The following QDPR variants were observed in gnomAD, a reference collection of about 807,000 sequenced individuals.
The protein encoded by QDPR is quinoid dihydropteridine reductase.
Under a neutral mutation model 31.7 loss-of-function variants are expected in QDPR, and 23 were observed. That is an observed-to-expected ratio of 0.73 (90% CI 0.52 to 1.03). QDPR has a LOEUF of 1.03. Among genes scored for constraint, QDPR ranks in the 50% least tolerant of loss-of-function variants. The pLI, the probability that QDPR is intolerant of heterozygous loss-of-function variation, is 0.00. For missense variants in QDPR, 324 were observed against 323.8 expected (o/e 1.00, Z 0.00); for synonymous variants, 124 against 124.7 (o/e 0.99, Z 0.03).
At chr4:17,490,780 C>T (rs763826278) in intron 5 of QDPR, 35 bp from the exon 6 acceptor site, 106 of 1,565,020 alleles carry the variant, frequency 6.8e-5, no homozygotes, top group Non-Finnish European at 8.5e-5. Context: ...TCATTCATGT[C>T]GCTCCTTTCT....
chr4:17,496,147 A>T (rs539285611), intron 4 of QDPR, among the ~76,000 whole-genome samples: 1 of 152,204 alleles, frequency 6.6e-6, no homozygotes, highest in Admixed American at 6.5e-5. Context: ...AACTGTGGGA[A>T]TGAAAAAACA....
rs1165941175 is a variant in QDPR at position 17,512,058 on chromosome 4, G to A, written c.-4C>T. 6.3e-7 allele frequency: 1 copy of A among 1,593,002 alleles called. No individual in the cohort carries two copies. The highest frequency in any genetic ancestry group is 8.5e-7 in the Non-Finnish European group (1 of 1,171,728). On this transcript the variant is annotated 5_prime_UTR_variant, in exon 1 of 7. Coordinates refer to ENST00000281243, the MANE Select transcript of QDPR (RefSeq NM_000320.3). ...CTGCAGCCGCCGCCGCCGCCATCCTGCTCCTGCCAGCCCGGCTCCCGCAGC... is the reference window on the plus strand; with the variant it reads ...CTGCAGCCGCCGCCGCCGCCATCCTACTCCTGCCAGCCCGGCTCCCGCAGC...
intron 2 of QDPR, among the ~76,000 whole-genome samples, chr4:17,507,050 C>T (rs1007303116): frequency 6.6e-6 from 1 of 152,126 alleles, no homozygotes; most frequent in Non-Finnish European, 1.5e-5. Context: ...TTTTCTATAT[C>T]ATACATGCAT....
chr4:17,493,306 A>G (rs1371174738), intron 4 of QDPR, among the ~76,000 whole-genome samples: 3 of 152,066 alleles, frequency 2.0e-5, no homozygotes, highest in Non-Finnish European at 4.4e-5. Context: ...CTGCTGGTAC[A>G]TGCCTGTGGT....
At chr4:17,489,251 T>A (rs770335909) in intron 6 of QDPR, among the ~76,000 whole-genome samples, 4 of 152,076 alleles carry the variant, frequency 2.6e-5, no homozygotes, top group Non-Finnish European at 5.9e-5. Flanking sequence ...ATACCACAAA[T>A]GGGTGGATGT....
chr4:17,507,845 G>A (rs1361630613), intron 2 of QDPR, among the ~76,000 whole-genome samples: 2 of 151,896 alleles, frequency 1.3e-5, no homozygotes, highest in Admixed American at 6.6e-5. Context: ...CTCGTGATCC[G>A]CCCATCTCAG....
chr4:17,501,721 G>A lies in QDPR; in HGVS notation c.434C>T (p.Pro145Leu), dbSNP rs1560312943. The A allele has an allele frequency of 4.3e-6, 7 of 1,613,952 alleles. No individual in the cohort carries two copies. The highest frequency in any genetic ancestry group is 4.2e-6 in the Non-Finnish European group (5 of 1,180,010). ...AGAKAALDGT[P>L]GMIGYGMAKG... ...CAGATAGGGAAATAAAGGCTTACCA[G>A]GAGTCCCATCCAGGGCAGCCTTTGC... Residue 145 changes from proline to leucine, a missense_variant and splice_region_variant, in exon 4 of 7, where the codon CCT becomes CTT. Coordinates refer to ENST00000281243, the MANE Select transcript of QDPR (RefSeq NM_000320.3).
intron 6 of QDPR, 69 bp from the exon 7 acceptor site, chr4:17,487,305 A>C: frequency 2.4e-6 from 2 of 828,178 alleles, no homozygotes. Context: ...TGACCTTCAC[A>C]GTGACGGCTT....
At chr4:17,492,372 C>A in intron 4 of QDPR, 32 bp from the exon 5 acceptor site, 1 of 1,552,246 alleles carries the variant, frequency 6.4e-7, no homozygotes, top group South Asian at 1.1e-5. Flanking sequence ...GCTCAGTGAC[C>A]ACTGGCGGCC....
At chr4:17,492,629 G>A in intron 4 of QDPR, 1 of 478,622 alleles carries the variant, frequency 2.1e-6, no homozygotes, top group Non-Finnish European at 3.8e-6. Context: ...GCATTCCAGG[G>A]TCCAGAAGAG....
At chr4:17,511,665 C>G (rs1310103688) in intron 1 of QDPR, among the ~76,000 whole-genome samples, 1 of 152,200 alleles carries the variant, frequency 6.6e-6, no homozygotes, top group Non-Finnish European at 1.5e-5. Flanking sequence ...TGCTCCCGTT[C>G]CTCCCCTTTG....
chr4:17,504,060 C>G (rs28548890), intron 3 of QDPR, among the ~76,000 whole-genome samples: 47 of 152,246 alleles, frequency 3.1e-4, no homozygotes, highest in African/African-American at 1.0e-3. Flanking sequence ...TTCTGACTTT[C>G]TAAATGATCT....
At chr4:17,501,305 A>G (rs1011901307) in intron 4 of QDPR, among the ~76,000 whole-genome samples, 1 of 152,186 alleles carries the variant, frequency 6.6e-6, no homozygotes, top group Non-Finnish European at 1.5e-5. Context: ...TACACGTGTG[A>G]GCCACTGTGC....
At chr4:17,501,580 A>G (rs1421882846) in intron 4 of QDPR, 139 bp downstream of exon 4, 5 of 1,050,162 alleles carry the variant, frequency 4.8e-6, no homozygotes, top group African/African-American at 3.2e-5. Context: ...TTCAGGCCCA[A>G]AAGAAGACAA....
In QDPR at chr4:17,487,198, C is replaced by T. The variant is rs1166789271; in HGVS notation, c.668G>A (p.Ser223Asn). 1 of 1,613,994 alleles carries T rather than the reference C, an allele frequency of 6.2e-7. No homozygotes were observed. Among genetic ancestry groups the T allele is most frequent in the East Asian group, 2.2e-5 (1 of 44,884 alleles). Residue 223 changes from serine (S) to asparagine (N), a missense_variant, in exon 7 of 7, where the codon AGC becomes AAC. Ser to Asn is a conservative substitution (Grantham distance 46). Coordinates refer to ENST00000281243, the MANE Select transcript of QDPR (RefSeq NM_000320.3). Reference sequence around the variant, plus strand: ...TACCACCTGGATTAGGCTTCCTGAGCTCGGTCGGTTTTTCCCTGTGATCCA... The same window carrying T: ...TACCACCTGGATTAGGCTTCCTGAGTTCGGTCGGTTTTTCCCTGTGATCCA... ...HDWITGKNRP[S>N]SGSLIQVVTT...
rs765346239 is a variant in QDPR at position 17,501,702 on chromosome 4, G to A, written c.436+17C>T. On this transcript the variant is annotated intron_variant, in intron 4 of 6. Transcript: ENST00000281243. The stretch of plus-strand genomic sequence containing the variant: ...GGTAAGCAACCCCACTCCACAGATA[G>A]GGAAATAAAGGCTTACCAGGAGTCC... 1.9e-6 allele frequency: 3 copies of A among 1,613,370 alleles called. No individual in the cohort carries two copies. In the South Asian group the frequency reaches 3.3e-5, roughly 18 times the overall value.
At chr4:17,505,096 T>C (rs937006802) in intron 2 of QDPR, among the ~76,000 whole-genome samples, 4 of 152,326 alleles carry the variant, frequency 2.6e-5, no homozygotes, top group South Asian at 2.1e-4. Context: ...TGAAAATATA[T>C]GTATGCCCTC....
At chr4:17,508,838 T>A (rs1424058289) in intron 2 of QDPR, among the ~76,000 whole-genome samples, 2 of 152,148 alleles carry the variant, frequency 1.3e-5, no homozygotes, top group African/African-American at 4.8e-5. Context: ...ATGGCTTTCC[T>A]AGTTAGAGAA....
intron 2 of QDPR, 128 bp downstream of exon 2, chr4:17,509,143 G>A: frequency 1.3e-6 from 1 of 776,950 alleles, no homozygotes; most frequent in Non-Finnish European, 2.2e-6. Flanking sequence ...GGGCGACAGA[G>A]CAAGACTCCG....
Sources: allele counts gnomAD v4.1 joint callset (sites outside exome capture counted in the v4.1 genomes callset), GRCh38; gene constraint gnomAD v4.1.1; transcripts MANE v1.5; gene names NCBI Gene and HGNC (gene_info 2026-07-23, HGNC 2026-07-21).